The following MTRF1 variants were observed in gnomAD, a reference collection of about 807,000 sequenced individuals.
MTRF1 encodes the protein peptide chain release factor 1, mitochondrial.
In MTRF1, 51 loss-of-function variants were observed where a neutral mutation model predicts 62.9. That is an observed-to-expected ratio of 0.81 (90% CI 0.65 to 1.02). The LOEUF (loss-of-function observed/expected upper bound fraction) is 1.02, where lower values mean the gene tolerates loss of function less well. Among genes scored for constraint, MTRF1 ranks in the 50% least tolerant of loss-of-function variants. The pLI, the probability that MTRF1 is intolerant of heterozygous loss-of-function variation, is 0.00. For synonymous variants in MTRF1, 158 were observed against 181.9 expected (o/e 0.87, Z 1.06); for missense variants, 446 against 530.0 (o/e 0.84, Z 1.56).
the MTRF1 span, among the ~76,000 whole-genome samples, chr13:41,309,548 G>T: frequency 1.3e-5 from 2 of 152,162 alleles, no homozygotes; most frequent in East Asian, 3.9e-4. Context: ...CCCAGCAATG[G>T]GATTGCTGTG....
At chr13:41,269,806 C>A in the MTRF1 span, among the ~76,000 whole-genome samples, 1 of 152,286 alleles carries the variant, frequency 6.6e-6, no homozygotes, top group Admixed American at 6.5e-5. Context: ...AAAATTATAA[C>A]TGGGACAGTG....
the MTRF1 span, among the ~76,000 whole-genome samples, chr13:41,283,658 C>T: frequency 5.4e-5 from 7 of 129,220 alleles, no homozygotes; most frequent in East Asian, 7.5e-4. Flanking sequence ...GGCGCGATCT[C>T]GGCTCACTGC....
At chr13:41,284,189 A>C in the MTRF1 span, among the ~76,000 whole-genome samples, 2 of 151,914 alleles carry the variant, frequency 1.3e-5, no homozygotes, top group African/African-American at 4.8e-5. Flanking sequence ...AAAAAAATTA[A>C]AAGTTAGCTG....
intron 7 of MTRF1, among the ~76,000 whole-genome samples, chr13:41,227,480 G>A (rs2034656487): frequency 6.6e-6 from 1 of 151,980 alleles, no homozygotes. Flanking sequence ...CACAAGTTTT[G>A]GCTAGCCAGC....
the MTRF1 span, among the ~76,000 whole-genome samples, chr13:41,268,986 C>T: frequency 6.7e-6 from 1 of 148,534 alleles, no homozygotes; most frequent in Non-Finnish European, 1.5e-5. Flanking sequence ...TCATGACATG[C>T]TTGGACTTTC....
At chr13:41,282,846 T>C in the MTRF1 span, among the ~76,000 whole-genome samples, 4 of 152,374 alleles carry the variant, frequency 2.6e-5, no homozygotes, top group Admixed American at 6.5e-5. Flanking sequence ...ATGCCCCATA[T>C]GGGCTTCCCT....
chr13:41,300,123 G>A, the MTRF1 span, among the ~76,000 whole-genome samples: 2 of 152,156 alleles, frequency 1.3e-5, no homozygotes, highest in Admixed American at 6.5e-5. Flanking sequence ...TTTAGGTCCC[G>A]TTTGGGTCAC....
intron 5 of MTRF1, among the ~76,000 whole-genome samples, chr13:41,245,062 G>A (rs1457615979): frequency 5.9e-5 from 9 of 151,594 alleles, no homozygotes; most frequent in African/African-American, 1.9e-4. Context: ...ATTTCTTCTT[G>A]ATTTCAAAAA....
At chr13:41,243,194 G>A (rs2037766213) in intron 5 of MTRF1, among the ~76,000 whole-genome samples, 1 of 151,792 alleles carries the variant, frequency 6.6e-6, no homozygotes. Flanking sequence ...ACTCCAGCCT[G>A]GATGACAGAG....
In MTRF1 at chr13:41,260,839, G is replaced by C; in HGVS notation, c.69C>G (p.Ile23Met). Residue 23 changes from isoleucine to methionine, a missense_variant, in exon 2 of 10, where the codon ATC (isoleucine) becomes ATG (methionine). By Grantham distance (10) the Ile-to-Met change is conservative. Transcript: ENST00000379480. ...GTCTAAATTGATGAGAATGGAGCTGGATGTGACACTGGAGGTAACCATTAA... is the reference window on the plus strand; with the variant it reads ...GTCTAAATTGATGAGAATGGAGCTGCATGTGACACTGGAGGTAACCATTAA... Reference protein sequence around the residue: ...PSLNGYLQCHIQLHSHQFRQI... With the variant: ...PSLNGYLQCHMQLHSHQFRQI... 1 of 1,614,038 alleles carries C rather than the reference G, an allele frequency of 6.2e-7. No homozygotes were observed. The highest frequency in any genetic ancestry group is 8.5e-7 in the Non-Finnish European group (1 of 1,179,946).
intron 2 of MTRF1, among the ~76,000 whole-genome samples, chr13:41,255,733 A>G (rs538715486): frequency 6.6e-6 from 1 of 152,168 alleles, no homozygotes; most frequent in Non-Finnish European, 1.5e-5. Context: ...GACAAAACAT[A>G]CATTTTTGTA....
the MTRF1 span, among the ~76,000 whole-genome samples, chr13:41,280,593 C>G: frequency 6.6e-6 from 1 of 152,010 alleles, no homozygotes; most frequent in Non-Finnish European, 1.5e-5. Flanking sequence ...CTTTCTGGAC[C>G]AATGTATATC....
At chr13:41,254,473 A>G in intron 3 of MTRF1, 56 bp downstream of exon 3, 1 of 1,330,518 alleles carries the variant, frequency 7.5e-7, no homozygotes, top group Admixed American at 1.8e-5. Context: ...GAGTCTAGCA[A>G]AAACAGCATT....
chr13:41,254,091 T>C (rs73179141), intron 3 of MTRF1, among the ~76,000 whole-genome samples: 7,791 of 152,240 alleles, frequency 0.051, 263 homozygotes, highest in Non-Finnish European at 0.079. Flanking sequence ...GCCACACCCT[T>C]ACTAGACCTA....
At chr13:41,306,580 C>T in the MTRF1 span, among the ~76,000 whole-genome samples, 2 of 152,152 alleles carry the variant, frequency 1.3e-5, no homozygotes, top group Non-Finnish European at 2.9e-5. Flanking sequence ...AAGACATGCA[C>T]GTATATGGGG....
At chr13:41,260,450 T>A in intron 2 of MTRF1, 43 bp downstream of exon 2, 2 of 1,523,278 alleles carry the variant, frequency 1.3e-6, no homozygotes, top group Non-Finnish European at 8.9e-7. Flanking sequence ...TGGTTTTTTT[T>A]TTCATAGCCC....
chr13:41,219,215 C>T (rs1024733217), intron 9 of MTRF1, among the ~76,000 whole-genome samples: 20 of 151,046 alleles, frequency 1.3e-4, no homozygotes, highest in African/African-American at 4.4e-4. Context: ...TGCTTGAACC[C>T]GGGAGGCAGA....
the MTRF1 span, among the ~76,000 whole-genome samples, chr13:41,305,142 G>A: frequency 1.8e-4 from 28 of 152,188 alleles, no homozygotes; most frequent in East Asian, 4.6e-3. Flanking sequence ...CTGCAGCGTC[G>A]ACCTCCCAGG....
the MTRF1 span, among the ~76,000 whole-genome samples, chr13:41,276,563 A>C: frequency 6.6e-6 from 1 of 152,130 alleles, no homozygotes; most frequent in Admixed American, 6.6e-5. Flanking sequence ...ACTTACTGAA[A>C]TCACCTTTCC....
Sources: gnomAD v4.1 joint callset for allele counts (sites outside exome capture counted in the v4.1 genomes callset) on GRCh38, gnomAD v4.1.1 for gene constraint, MANE v1.5 for transcripts, NCBI Gene and HGNC (gene_info 2026-07-23, HGNC 2026-07-21) for gene names.